Variants in TMC7 observed in about 807,000 individuals in gnomAD.
The protein encoded by TMC7 is transmembrane channel-like protein 7.
In TMC7, 54 loss-of-function variants were observed where a neutral mutation model predicts 82.9. That is an observed-to-expected ratio of 0.65 (90% CI 0.52 to 0.82). The LOEUF is 0.82. Ranked by LOEUF, TMC7 falls within the 40% of genes least tolerant of loss-of-function variation. TMC7 has a pLI of 0.00. For synonymous variants in TMC7, 350 were observed against 337.9 expected, an observed-to-expected ratio of 1.04 and a Z score of -0.39; for missense variants, 820 against 901.2, an observed-to-expected ratio of 0.91 and a Z score of 1.15.
chr16:19,030,375 G>A lies in TMC7; in HGVS notation c.857+6G>A. ...CTTCTTTGGATAGTGAAAAGGTAAA[G>A]TCTGCCTTTGCATTCTCTCTGAATT... On this transcript the variant is annotated splice_donor_region_variant and intron_variant, in intron 6 of 15. Coordinates refer to ENST00000304381, the MANE Select transcript of TMC7 (RefSeq NM_024847.4). The A allele has an allele frequency of 6.2e-7, 1 of 1,606,160 alleles. No homozygotes were observed. Among genetic ancestry groups the A allele is most frequent in the Non-Finnish European group, 8.5e-7 (1 of 1,176,952 alleles).
intron 1 of TMC7, among the ~76,000 whole-genome samples, chr16:18,988,528 C>T (rs182475382): frequency 2.0e-5 from 3 of 151,554 alleles, no homozygotes; most frequent in East Asian, 1.9e-4. Context: ...TGAGTTCAAT[C>T]GATCTTCCTG....
intron 1 of TMC7, among the ~76,000 whole-genome samples, chr16:18,995,979 A>G (rs1043496346): frequency 6.6e-6 from 1 of 152,168 alleles, no homozygotes; most frequent in African/African-American, 2.4e-5. Context: ...AAAAAAACCT[A>G]AATGCTAACT....
chr16:19,003,258 G>A (rs1474265565), intron 1 of TMC7, among the ~76,000 whole-genome samples: 1 of 152,226 alleles, frequency 6.6e-6, no homozygotes, highest in Non-Finnish European at 1.5e-5. Context: ...AGGATCGCTT[G>A]AGCCCAGGAA....
intron 1 of TMC7, among the ~76,000 whole-genome samples, chr16:18,996,656 G>T (rs59366033): frequency 0.063 from 9,613 of 152,214 alleles, 385 homozygotes; most frequent in South Asian, 0.13. Context: ...AGGGCGGAAG[G>T]TTGCCCATAG....
At chr16:19,035,863 A>G in intron 7 of TMC7, 40 bp downstream of exon 7, 1 of 1,533,572 alleles carries the variant, frequency 6.5e-7, no homozygotes, top group Non-Finnish European at 8.7e-7. Flanking sequence ...GGTCCTCACC[A>G]GCAAGGTCCT....
chr16:18,995,863 G>C (rs2142132700), intron 1 of TMC7, among the ~76,000 whole-genome samples: 1 of 152,290 alleles, frequency 6.6e-6, no homozygotes, highest in Admixed American at 6.5e-5. Flanking sequence ...GTAATAAAGT[G>C]CATATTGAGA....
chr16:19,055,726 AAATTTT>A (rs1405110339), intron 13 of TMC7, among the ~76,000 whole-genome samples: 5 of 152,164 alleles, frequency 3.3e-5, no homozygotes, highest in Non-Finnish European at 7.4e-5. Flanking sequence ...ATTTAAATTT[AAATTTT>A]AAGTTCTGGG....
intron 1 of TMC7, among the ~76,000 whole-genome samples, chr16:18,996,802 G>C (rs1460056378): frequency 6.6e-6 from 1 of 152,212 alleles, no homozygotes. Context: ...GTGGGTGAAT[G>C]ACCAAGGCAG....
rs193279054 is a variant in TMC7, at chr16:19,000,204, G to A, written c.68-8968G>A. On this transcript the variant is annotated intron_variant, in intron 1 of 15. Coordinates refer to ENST00000304381, the MANE Select transcript of TMC7 (RefSeq NM_024847.4). ...AATTCAGCCAGGCATGGTGGCTCAC[G>A]CCTGTAATCCCAGCACTTTGGGAGG... Among the ~76,000 whole-genome samples the A allele has an allele frequency of 9.8e-3, 1,490 of 152,052 alleles. 30 individuals are homozygous for A. Among genetic ancestry groups the A allele is most frequent in the African/African-American group, 0.034 (1,403 of 41,530 alleles).
chr16:19,031,500 T>C (rs535521634), intron 6 of TMC7, among the ~76,000 whole-genome samples: 1 of 152,238 alleles, frequency 6.6e-6, no homozygotes, highest in East Asian at 1.9e-4. Flanking sequence ...CCAAACACAA[T>C]AGAAATTTTA....
intron 6 of TMC7, among the ~76,000 whole-genome samples, chr16:19,031,817 T>C (rs1960528443): frequency 2.0e-5 from 3 of 152,188 alleles, no homozygotes; most frequent in Non-Finnish European, 2.9e-5. Context: ...ATCTTCAGCA[T>C]GTGGCTTCGA....
At chr16:19,023,643 C>T (rs895219734) in intron 5 of TMC7, among the ~76,000 whole-genome samples, 7 of 152,096 alleles carry the variant, frequency 4.6e-5, no homozygotes, top group African/African-American at 1.4e-4. Flanking sequence ...GACGGAGTTT[C>T]ACCATGTTGG....
chr16:19,038,993 G>A (rs1410765150), intron 8 of TMC7, among the ~76,000 whole-genome samples: 1 of 152,052 alleles, frequency 6.6e-6, no homozygotes, highest in Non-Finnish European at 1.5e-5. Context: ...TTTGTCTAGT[G>A]GCTCTGTTTT....
chr16:19,044,679 G>A (rs1961178553), intron 9 of TMC7, among the ~76,000 whole-genome samples: 1 of 144,974 alleles, frequency 6.9e-6, no homozygotes, highest in African/African-American at 2.6e-5. Flanking sequence ...GCAGACACCT[G>A]TAATCCCCGC....
intron 1 of TMC7, among the ~76,000 whole-genome samples, chr16:18,984,875 G>A (rs1409836809): frequency 1.3e-5 from 2 of 152,178 alleles, no homozygotes; most frequent in African/African-American, 2.4e-5. Flanking sequence ...TGGAGCTTAC[G>A]AATCTTGTCC....
At chr16:19,032,042 C>T (rs1960541244) in intron 6 of TMC7, among the ~76,000 whole-genome samples, 1 of 152,150 alleles carries the variant, frequency 6.6e-6, no homozygotes, top group Non-Finnish European at 1.5e-5. Context: ...GAAGATGGAC[C>T]ACAAATTTTT....
intron 1 of TMC7, among the ~76,000 whole-genome samples, chr16:18,990,668 G>A (rs1216271745): frequency 6.6e-6 from 1 of 152,304 alleles, no homozygotes. Flanking sequence ...ATAGGTTTTG[G>A]TATAGGCGGT....
chr16:19,038,040 T>C lies in TMC7; in HGVS notation c.1172T>C (p.Met391Thr). 1 of 1,612,960 alleles carries C rather than the reference T, an allele frequency of 6.2e-7. No individual in the cohort carries two copies. Among genetic ancestry groups the C allele is most frequent in the Non-Finnish European group, 8.5e-7 (1 of 1,179,720 alleles). ...YVATVFSQEHMKKEIDKMVFG... is the reference protein window; with the variant it reads ...YVATVFSQEHTKKEIDKMVFG... ...GCAACTGTCTTCTCGCAAGAGCACA[T>C]GAAAAAGGTAAATTAACTTGTACTC... The change falls in exon 8 of 16, where the codon ATG (methionine) becomes ACG (threonine). Residue 391 changes from methionine to threonine, a missense_variant. Physicochemically the swap from Met to Thr is moderately conservative, Grantham distance 81 (BLOSUM62 -1). Around this residue, in one of 2 missense-constraint regions of TMC7, gnomAD observed 650 missense variants for 669.9 expected, o/e 0.97. Transcript: ENST00000304381.
intron 1 of TMC7, among the ~76,000 whole-genome samples, chr16:19,001,084 G>T (rs1412481240): frequency 1.3e-5 from 2 of 152,076 alleles, no homozygotes; most frequent in East Asian, 3.8e-4. Context: ...ATATAGAGAA[G>T]AATAATATTC....
Sources: allele counts gnomAD v4.1 joint callset (sites outside exome capture counted in the v4.1 genomes callset), GRCh38; gene constraint gnomAD v4.1.1; regional missense constraint gnomAD v4.1.1; transcripts MANE v1.5; gene names NCBI Gene and HGNC (gene_info 2026-07-23, HGNC 2026-07-21).